Variants in ZNF611 observed in about 807,000 individuals in gnomAD.
ZNF611 encodes the protein zinc finger protein 611.
In ZNF611, 6 loss-of-function variants were observed where a neutral mutation model predicts 8.9. The observed-to-expected ratio is 0.68, with a 90% confidence interval of 0.37 to 1.34. The LOEUF is 1.34. ZNF611 is among the 40% of genes most tolerant of loss of function. The pLI, the probability that ZNF611 is intolerant of heterozygous loss-of-function variation, is 0.02. For synonymous variants in ZNF611, 262 were observed against 279.7 expected (o/e 0.94, Z 0.63); for missense variants, 874 against 841.3 (o/e 1.04, Z -0.48).
rs1491104745 is a variant in ZNF611, at chr19:52,711,359, A to AGAC, written c.190+2655_190+2656insGTC. 1.1e-4 allele frequency: 5 copies of AGAC among 44,678 alleles called. No individual in the cohort carries two copies. The East Asian group carries it at 2.7e-3, about 24-fold the overall frequency. 2.8% of individuals were successfully genotyped at this position (44,678 alleles called of 1,614,324 possible). On this transcript the variant is annotated intron_variant, in intron 5 of 5. Transcript: ENST00000652185. ...AACAAAACAAAACTAAACAAAAAACAAAAAAAAAAACCAACCCTGGAGGCA... is the reference window on the plus strand; with the variant it reads ...AACAAAACAAAACTAAACAAAAAACAGACAAAAAAAAAACCAACCCTGGAGGCA...
At chr19:52,728,422 CAGCTACTT>C (rs1047109355) in intron 3 of ZNF611, among the ~76,000 whole-genome samples, 1 of 152,062 alleles carries the variant, frequency 6.6e-6, no homozygotes, top group African/African-American at 2.4e-5. Flanking sequence ...CCTGTAGTCC[CAGCTACTT>C]GGGAGGCTGA....
At chr19:52,732,797 T>A (rs1432534431) in intron 1 of ZNF611, among the ~76,000 whole-genome samples, 52 of 139,188 alleles carry the variant, frequency 3.7e-4, no homozygotes, top group African/African-American at 1.0e-3. Context: ...AAAAAAAAAA[T>A]ACAAAAACTA....
Position 52,705,322 on chromosome 19 carries a change from C to A in ZNF611, c.1733G>T (p.Arg578Met). The part of the protein sequence containing the change: ...CNECSKTFSH[R>M]SYLVCHHRVH... Reference sequence around the variant, plus strand: ...TCTATGATGGCATACAAGGTATGACCTGTGACTGAAGGTCTTGCTGCACTC... The same window carrying A: ...TCTATGATGGCATACAAGGTATGACATGTGACTGAAGGTCTTGCTGCACTC... The change falls in exon 6 of 6, where the codon AGG becomes ATG. Residue 578 changes from arginine to methionine, a missense_variant. Physicochemically the swap from Arg to Met is moderately conservative, Grantham distance 91. Coordinates refer to ENST00000652185, the MANE Select transcript of ZNF611 (RefSeq NM_001161499.2). 2 of 1,613,396 alleles carry A rather than the reference C, an allele frequency of 1.2e-6. No homozygotes were observed. The highest frequency in any genetic ancestry group is 1.7e-6 in the Non-Finnish European group (2 of 1,179,868).
intron 3 of ZNF611, among the ~76,000 whole-genome samples, chr19:52,717,149 C>T (rs2147431510): frequency 6.6e-6 from 1 of 152,298 alleles, no homozygotes; most frequent in African/African-American, 2.4e-5. Context: ...GTCCCACTTT[C>T]CCAGACCAAA....
intron 5 of ZNF611, among the ~76,000 whole-genome samples, chr19:52,711,032 TA>T (rs764453999): frequency 0.016 from 1,984 of 124,888 alleles, 10 homozygotes; most frequent in African/African-American, 0.037. Context: ...AAACTCCATT[TA>T]AAAAAAAAAA....
At chr19:52,706,983 A>G in intron 5 of ZNF611, 119 bp from the exon 6 acceptor site, 4 of 1,465,688 alleles carry the variant, frequency 2.7e-6, no homozygotes, top group Middle Eastern at 1.8e-4. Context: ...ATCATCTTCA[A>G]AGTTTAGGAA....
intron 1 of ZNF611, among the ~76,000 whole-genome samples, chr19:52,734,283 T>C (rs920365065): frequency 2.6e-5 from 4 of 152,042 alleles, no homozygotes; most frequent in Admixed American, 6.6e-5. Flanking sequence ...ATTCTTCTTT[T>C]CTCTGCCTCA....
chr19:52,734,763 C>A (rs1040177197), intron 1 of ZNF611, among the ~76,000 whole-genome samples: 1 of 151,798 alleles, frequency 6.6e-6, no homozygotes, highest in African/African-American at 2.4e-5. Context: ...AGGAAAACTA[C>A]GCAACAGAAA....
chr19:52,734,543 G>T (rs891603922), intron 1 of ZNF611, among the ~76,000 whole-genome samples: 1 of 53,976 alleles, frequency 1.9e-5, no homozygotes, highest in Non-Finnish European at 3.7e-5. Context: ...GGGCGGGGGG[G>T]GGGGGCGCGA....
In ZNF611 at chr19:52,705,554, T is replaced by G; in HGVS notation, c.1501A>C (p.Lys501Gln). Residue 501 changes from lysine to glutamine, a missense_variant, in exon 6 of 6, where the codon AAG (lysine) becomes CAG (glutamine). Transcript: ENST00000652185. ...FGQNSDLLIH[K>Q]SIHTGEQPYK... ...GGTTGCTCCCCAGTATGAATTGACT[T>G]ATGAATTAAAAGATCTGAATTTTGA... 6.2e-7 allele frequency: 1 copy of G among 1,613,976 alleles called. No homozygotes were observed. The highest frequency in any genetic ancestry group is 8.5e-7 in the Non-Finnish European group (1 of 1,179,974).
chr19:52,707,471 G>A (rs1333219467), intron 5 of ZNF611: 1 of 151,318 alleles, frequency 6.6e-6, no homozygotes, highest in Non-Finnish European at 1.5e-5. Context: ...ACTTAAACCT[G>A]GGAGGTAGAG....
chr19:52,716,578 G>C (rs1465058646), intron 3 of ZNF611, among the ~76,000 whole-genome samples: 1 of 152,170 alleles, frequency 6.6e-6, no homozygotes, highest in African/African-American at 2.4e-5. Context: ...ATGTGGAGAA[G>C]GGGTAGGGTG....
intron 5 of ZNF611, among the ~76,000 whole-genome samples, chr19:52,712,108 T>A (rs186501742): frequency 6.6e-6 from 1 of 152,130 alleles, no homozygotes; most frequent in African/African-American, 2.4e-5. Context: ...TACGGTGGCC[T>A]GAGGTGAAAG....
At chr19:52,722,487 G>C (rs982292510) in intron 3 of ZNF611, among the ~76,000 whole-genome samples, 26 of 152,016 alleles carry the variant, frequency 1.7e-4, no homozygotes, top group African/African-American at 5.8e-4. Context: ...CCCACCCTGG[G>C]AAAAGGGAAG....
intron 3 of ZNF611, among the ~76,000 whole-genome samples, chr19:52,724,850 T>G (rs907489114): frequency 6.6e-6 from 1 of 152,094 alleles, no homozygotes; most frequent in African/African-American, 2.4e-5. Context: ...CCTCTCCCTA[T>G]CTTGTCCTTC....
intron 5 of ZNF611, among the ~76,000 whole-genome samples, chr19:52,709,312 G>C (rs1331518570): frequency 2.0e-5 from 3 of 151,622 alleles, no homozygotes; most frequent in African/African-American, 7.3e-5. Flanking sequence ...TCACTGTGTA[G>C]CCCAGCCTGG....
In ZNF611 at chr19:52,705,142, A is replaced by G. The variant is rs765653491; in HGVS notation, c.1913T>C (p.Ile638Thr). Residue 638 changes from isoleucine to threonine, a missense_variant, in exon 6 of 6, where the codon ATA becomes ACA. By Grantham distance (89) the Ile-to-Thr change is moderately conservative. Transcript: ENST00000652185. ...TCCAGTATGAAGTCTACGATGGTAT[A>G]TAAGGGATGAGCAGTGACGGAAGGT... ...GNTFRHCSSLIYHRRLHTGEK... is the reference protein window; with the variant it reads ...GNTFRHCSSLTYHRRLHTGEK... 1.9e-6 allele frequency: 3 copies of G among 1,613,936 alleles called. No individual in the cohort carries two copies. Among genetic ancestry groups the G allele is most frequent in the African/African-American group, 2.7e-5 (2 of 74,870 alleles).
chr19:52,730,383 C>T (rs184587338), intron 1 of ZNF611, among the ~76,000 whole-genome samples: 1,178 of 102,960 alleles, frequency 0.011, 10 homozygotes, highest in Middle Eastern at 0.026. Flanking sequence ...CAGAGCCAGA[C>T]TCCGTCTCAA....
intron 1 of ZNF611, among the ~76,000 whole-genome samples, chr19:52,731,662 C>T (rs907330492): frequency 3.4e-4 from 52 of 152,174 alleles, no homozygotes; most frequent in Middle Eastern, 3.4e-3. Flanking sequence ...CCACCGTGCC[C>T]TGATGTCCCT....
Sources: allele counts gnomAD v4.1 joint callset (sites outside exome capture counted in the v4.1 genomes callset), GRCh38; gene constraint gnomAD v4.1.1; transcripts MANE v1.5; gene names NCBI Gene and HGNC (gene_info 2026-07-23, HGNC 2026-07-21).